Variants in FREM1 observed in about 807,000 individuals in gnomAD.
FREM1 encodes FRAS1-related extracellular matrix protein 1.
FREM1 carries 220 observed loss-of-function variants against 210.1 expected under a neutral mutation model. That is an observed-to-expected ratio of 1.05 (90% CI 0.94 to 1.17). FREM1 has a LOEUF of 1.17. Ranked by LOEUF, FREM1 falls within the 50% of genes most tolerant of loss-of-function variation. The probability of loss-of-function intolerance (pLI) is 0.00; values close to 1 mark genes in which losing one functional copy is unlikely to be tolerated. For missense variants in FREM1, 3,454 were observed against 2,675.5 expected (o/e 1.29, Z -6.42); for synonymous variants, 1,189 against 980.2 (o/e 1.21, Z -3.98).
At chr9:14,759,965 C>A (rs2132261748) in intron 27 of FREM1, 64 bp from the exon 28 acceptor site, 2 of 1,357,754 alleles carry the variant, frequency 1.5e-6, no homozygotes, top group East Asian at 4.9e-5. Context: ...GGATTCTCTG[C>A]TGAGCGGACT....
At chr9:14,835,000 T>G (rs1353703778) in intron 10 of FREM1, among the ~76,000 whole-genome samples, 29 of 152,214 alleles carry the variant, frequency 1.9e-4, no homozygotes, top group Admixed American at 1.9e-3. Context: ...TTAAGGACTT[T>G]AACAGGTGTT....
At chr9:14,900,489 G>A (rs185781859) in intron 1 of FREM1, among the ~76,000 whole-genome samples, 134 of 152,266 alleles carry the variant, frequency 8.8e-4, no homozygotes, top group African/African-American at 2.8e-3. Flanking sequence ...AGGGTGGAAC[G>A]CAGCGGTAGG....
In FREM1 at chr9:14,824,082, G is replaced by C; in HGVS notation, c.2112C>G (p.Asp704Glu). 2 of 1,589,236 alleles carry C rather than the reference G, an allele frequency of 1.3e-6. No homozygotes were observed. Among genetic ancestry groups the C allele is most frequent in the Non-Finnish European group, 8.6e-7 (1 of 1,166,356 alleles). ...GATTCTTAACTACTTTTGGTATGCT[G>C]TCCACCATAAATAATTTCCCAGCAT... ...HLDAGKLFMV[D>E]SIPKVVKNPT... Residue 704 changes from aspartate (D) to glutamate (E), a missense_variant, in exon 12 of 37, where the codon GAC becomes GAG. Physicochemically the swap from Asp to Glu is conservative, Grantham distance 45 (BLOSUM62 2). Coordinates refer to ENST00000380880, the MANE Select transcript of FREM1 (RefSeq NM_001379081.2).
At chr9:14,822,833 A>G (rs1564008882) in intron 13 of FREM1, among the ~76,000 whole-genome samples, 1 of 152,198 alleles carries the variant, frequency 6.6e-6, no homozygotes, top group Non-Finnish European at 1.5e-5. Context: ...TCCAGTGGCT[A>G]AGAGACCCAT....
intron 10 of FREM1, among the ~76,000 whole-genome samples, chr9:14,825,217 G>C (rs1473150291): frequency 6.6e-6 from 1 of 152,010 alleles, no homozygotes; most frequent in African/African-American, 2.4e-5. Context: ...GCCAGGTGCA[G>C]GGGGTCACCC....
chr9:14,737,661 C>T (rs767325541), intron 36 of FREM1, 66 bp from the exon 37 acceptor site: 53 of 1,293,582 alleles, frequency 4.1e-5, no homozygotes, highest in Admixed American at 9.3e-5. Flanking sequence ...TCATATCCAG[C>T]TGTTGCTCTA....
chr9:14,893,056 G>A lies in FREM1; in HGVS notation c.-268+16858C>T, dbSNP rs555480888. The stretch of plus-strand genomic sequence containing the variant: ...TTACTCTGGCCTTCCTTCGTGTTGC[G>A]GCTTGGCCCCCAGAGCTGTGGTGCA... On this transcript the variant is annotated intron_variant, in intron 1 of 36. Transcript: ENST00000380880. Among the ~76,000 whole-genome samples, 26 of 152,260 alleles carry A rather than the reference G, an allele frequency of 1.7e-4. 2 individuals are homozygous for A. The highest frequency in any genetic ancestry group is 1.7e-3 in the South Asian group (8 of 4,828).
rs977296580 is a variant in FREM1, at chr9:14,769,376, C to A, written c.5204+348G>T. Among the ~76,000 whole-genome samples, 4 of 152,160 alleles carry A rather than the reference C, an allele frequency of 2.6e-5. No homozygotes were observed. In the South Asian group the frequency reaches 6.2e-4, roughly 24 times the overall value. ...AGTTGCTAACACGGTCCTAGAGTGA[C>A]CTCTTGCTGCACAATTGCTACATGA... On this transcript the variant is annotated intron_variant, in intron 27 of 36. Transcript: ENST00000380880.
At chr9:14,780,878 C>G (rs1342826265) in intron 24 of FREM1, among the ~76,000 whole-genome samples, 1 of 152,184 alleles carries the variant, frequency 6.6e-6, no homozygotes, top group Non-Finnish European at 1.5e-5. Context: ...GGTTTAGCGC[C>G]ACTTGACAAA....
At chr9:14,795,594 G>T (rs1162752263) in intron 21 of FREM1, among the ~76,000 whole-genome samples, 3 of 152,186 alleles carry the variant, frequency 2.0e-5, no homozygotes, top group Non-Finnish European at 4.4e-5. Context: ...GAGGGTTTTT[G>T]AAGCAGGGTT....
rs552337208 is a variant in FREM1 at position 14,899,207 on chromosome 9, C to A, written c.-268+10707G>T. On this transcript the variant is annotated intron_variant, in intron 1 of 36. Coordinates refer to ENST00000380880, the MANE Select transcript of FREM1 (RefSeq NM_001379081.2). ...CTGACCCACAGCTACTCAAGGGCCA[C>A]CCTGGTGGCTCACAGGCCATGTCCC... Among the ~76,000 whole-genome samples, 84 of 152,320 alleles carry A rather than the reference C, an allele frequency of 5.5e-4. 1 individual carries two copies. In the South Asian group the frequency reaches 0.017, roughly 30 times the overall value.
At chr9:14,742,752 A>G (rs1841793430) in intron 35 of FREM1, among the ~76,000 whole-genome samples, 1 of 152,174 alleles carries the variant, frequency 6.6e-6, no homozygotes, top group Non-Finnish European at 1.5e-5. Context: ...TAAAAATCTT[A>G]TATGTGTTTG....
Position 14,773,650 on chromosome 9 carries a change from A to G in FREM1, c.4857+2139T>C, listed in dbSNP as rs77996241. Among the ~76,000 whole-genome samples, 1,299 of 152,150 alleles carry G rather than the reference A, an allele frequency of 8.5e-3. 16 individuals are homozygous for G. Among genetic ancestry groups the G allele is most frequent in the African/African-American group, 0.03 (1,243 of 41,500 alleles). ...GGAAAGCCTTATACTTTTGACAAAA[A>G]AAAAGAAACTTTACAATATATGTCC... On this transcript the variant is annotated intron_variant, in intron 25 of 36. Coordinates refer to ENST00000380880, the MANE Select transcript of FREM1 (RefSeq NM_001379081.2).
chr9:14,744,194 G>A (rs1162990240), intron 35 of FREM1, among the ~76,000 whole-genome samples: 2 of 151,974 alleles, frequency 1.3e-5, no homozygotes, highest in African/African-American at 4.8e-5. Context: ...GAAAAAGGTG[G>A]TTTAACTAGT....
chr9:14,747,780 A>G (rs1393599611), intron 31 of FREM1, 52 bp from the exon 32 acceptor site: 14 of 1,074,830 alleles, frequency 1.3e-5, no homozygotes, highest in Admixed American at 2.4e-5. Context: ...ACTAATAACT[A>G]GCAATAGGGT....
intron 1 of FREM1, among the ~76,000 whole-genome samples, chr9:14,895,790 T>TA: frequency 6.6e-6 from 1 of 152,112 alleles, no homozygotes; most frequent in African/African-American, 2.4e-5. Flanking sequence ...AGCTCCTCTC[T>TA]ACCCAAATAC....
intron 1 of FREM1, among the ~76,000 whole-genome samples, chr9:14,885,980 G>C (rs1256899267): frequency 6.6e-6 from 1 of 152,024 alleles, no homozygotes; most frequent in Non-Finnish European, 1.5e-5. Flanking sequence ...CCTTTGATCA[G>C]CACCTCCCCA....
chr9:14,797,550 T>C lies in FREM1; in HGVS notation c.3787A>G (p.Thr1263Ala), dbSNP rs771185784. The C allele has an allele frequency of 3.1e-6, 5 of 1,612,342 alleles. No individual in the cohort carries two copies. In the South Asian group the frequency reaches 5.5e-5, roughly 18 times the overall value. Residue 1263 changes from threonine (T) to alanine (A), a missense_variant, in exon 21 of 37, where the codon ACC (threonine) becomes GCC (alanine). Thr to Ala is a moderately conservative substitution (Grantham distance 58). Transcript: ENST00000380880. ...LSDGKHKILK[T>A]ISVEVIPVND... ...ACTGGGATGACCTCTACTGAAATGGTTTTAAGTATCTTATGTTTCCCATCT... is the reference window on the plus strand; with the variant it reads ...ACTGGGATGACCTCTACTGAAATGGCTTTAAGTATCTTATGTTTCCCATCT...
intron 10 of FREM1, among the ~76,000 whole-genome samples, chr9:14,835,308 T>A (rs1434624198): frequency 6.6e-6 from 1 of 152,234 alleles, no homozygotes; most frequent in African/African-American, 2.4e-5. Context: ...CTCCGCCTGA[T>A]TCCTCTAGAA....
Sources: gnomAD v4.1 joint callset for allele counts (sites outside exome capture counted in the v4.1 genomes callset) on GRCh38, gnomAD v4.1.1 for gene constraint, MANE v1.5 for transcripts, NCBI Gene and HGNC (gene_info 2026-07-23, HGNC 2026-07-21) for gene names.